Variants in SLC75A1 observed in about 807,000 individuals in gnomAD.
The protein encoded by SLC75A1 is major facilitator superfamily domain containing 10.
the SLC75A1 span, chr4:2,931,048 C>T: frequency 6.2e-7 from 1 of 1,608,532 alleles, no homozygotes; most frequent in South Asian, 1.1e-5. Flanking sequence ...CCAGCACCAT[C>T]CCGCGCCCTC....
chr4:2,933,799 A>T, the SLC75A1 span: 1 of 1,592,232 alleles, frequency 6.3e-7, no homozygotes, highest in East Asian at 2.3e-5. Flanking sequence ...CAGGGGCAGC[A>T]GCAGCGTGAA....
chr4:2,931,680 T>TA, the SLC75A1 span: 1 of 1,607,418 alleles, frequency 6.2e-7, no homozygotes, highest in Admixed American at 1.7e-5. Context: ...GCGGGTGTGT[T>TA]AGTGCAGGGC....
the SLC75A1 span, chr4:2,930,862 C>T: frequency 7.8e-3 from 12,575 of 1,613,030 alleles, 84 homozygotes; most frequent in Middle Eastern, 0.042. Flanking sequence ...GCGTCTGTGC[C>T]GGGTAACTCA....
At chr4:2,934,010 A>G in the SLC75A1 span, 2 of 1,402,866 alleles carry the variant, frequency 1.4e-6, no homozygotes, top group Non-Finnish European at 1.9e-6. Context: ...GCATACCCCC[A>G]CACCCGACAG....
the SLC75A1 span, chr4:2,931,110 G>A: frequency 5.1e-5 from 81 of 1,588,614 alleles, no homozygotes; most frequent in Non-Finnish European, 6.4e-5. Context: ...CACCTAGGCT[G>A]CGCAGTGTAC....
At chr4:2,930,661 G>A in the SLC75A1 span, 3 of 642,700 alleles carry the variant, frequency 4.7e-6, no homozygotes, top group Non-Finnish European at 5.4e-6. Context: ...GCTGCAGCTC[G>A]GAGTCACTGA....
At chr4:2,933,598 C>A in the SLC75A1 span, 1 of 1,613,752 alleles carries the variant, frequency 6.2e-7, no homozygotes, top group Non-Finnish European at 8.5e-7. Flanking sequence ...ACCTCTTCTC[C>A]ACTGGCATCC....
chr4:2,932,737 C>T, the SLC75A1 span: 2 of 1,578,710 alleles, frequency 1.3e-6, no homozygotes, highest in Admixed American at 3.6e-5. Context: ...GCCCAGACTG[C>T]ATATGAGGTG....
At chr4:2,934,109 A>C in the SLC75A1 span, 3 of 650,280 alleles carry the variant, frequency 4.6e-6, no homozygotes, top group Non-Finnish European at 7.8e-6. Flanking sequence ...CCCGCCCCGA[A>C]CCCAGGCAGC....
At chr4:2,933,858 G>A in the SLC75A1 span, 74 of 1,585,850 alleles carry the variant, frequency 4.7e-5, no homozygotes, top group Non-Finnish European at 6.0e-5. Flanking sequence ...TGACCACGCG[G>A]CGCTCCGGCG....
the SLC75A1 span, chr4:2,934,077 C>A: frequency 2.5e-6 from 2 of 806,510 alleles, no homozygotes; most frequent in East Asian, 2.7e-5. Flanking sequence ...GACGCAGGGG[C>A]CGTTCTGGCC....
chr4:2,933,432 G>C, the SLC75A1 span: 1 of 1,023,224 alleles, frequency 9.8e-7, no homozygotes, highest in Non-Finnish European at 1.5e-6. Context: ...CAGGACATGT[G>C]GGCAAGGGCA....
chr4:2,932,602 T>C, the SLC75A1 span: 2 of 1,613,062 alleles, frequency 1.2e-6, no homozygotes, highest in Non-Finnish European at 1.7e-6. Context: ...GCACTTACCA[T>C]GCCTTGACTG....
At chr4:2,932,346 C>G in the SLC75A1 span, 1 of 1,611,642 alleles carries the variant, frequency 6.2e-7, no homozygotes, top group East Asian at 2.2e-5. Context: ...AGACCACAGC[C>G]CTACCCGTTT....
chr4:2,931,593 G>A, the SLC75A1 span: 20 of 1,613,254 alleles, frequency 1.2e-5, no homozygotes, highest in Non-Finnish European at 1.5e-5. Flanking sequence ...GGGTGGATCC[G>A]CCGGGCATAG....
chr4:2,931,296 G>GAGACATCCCCTGGC, the SLC75A1 span: 2 of 1,549,920 alleles, frequency 1.3e-6, no homozygotes, highest in Non-Finnish European at 1.7e-6. Context: ...CATCGAGGAG[G>GAGACATCCCCTGGC]TGCCCGTCAG....
At chr4:2,934,061 C>A in the SLC75A1 span, 2 of 958,108 alleles carry the variant, frequency 2.1e-6, no homozygotes, top group South Asian at 1.7e-5. Context: ...GGGGCTCTGG[C>A]CTACGGACGC....
the SLC75A1 span, chr4:2,933,717 G>C: frequency 1.1e-5 from 18 of 1,608,144 alleles, no homozygotes; most frequent in Non-Finnish European, 1.4e-5. Flanking sequence ...GGCCTGGGGG[G>C]CAGGGGGCAC....
At chr4:2,932,168 T>A in the SLC75A1 span, 1 of 1,595,760 alleles carries the variant, frequency 6.3e-7, no homozygotes, top group Non-Finnish European at 8.5e-7. Flanking sequence ...GGGGATGGCA[T>A]TGGAGAGCCT....
Sources: gnomAD v4.1 joint callset for allele counts on GRCh38, gnomAD v4.1.1 for gene constraint, MANE v1.5 for transcripts, NCBI Gene and HGNC (gene_info 2026-07-23, HGNC 2026-07-21) for gene names.